The following NEK7 variants were observed in gnomAD, a reference collection of about 807,000 sequenced individuals.
NEK7 encodes the protein NIMA related kinase 7, also known as serine/threonine-protein kinase Nek7.
In NEK7, 18 loss-of-function variants were observed where a neutral mutation model predicts 44.6. That is an observed-to-expected ratio of 0.40 (90% CI 0.28 to 0.60). NEK7 has a LOEUF of 0.60. Among genes scored for constraint, NEK7 ranks in the 20% least tolerant of loss-of-function variants. The pLI is 0.38. For synonymous variants in NEK7, 130 were observed against 121.1 expected (o/e 1.07, Z -0.48); for missense variants, 256 against 366.5 (o/e 0.70, Z 2.46).
chr1:198,269,936 C>T (rs1471732705), intron 5 of NEK7, among the ~76,000 whole-genome samples: 1 of 151,994 alleles, frequency 6.6e-6, no homozygotes, highest in Non-Finnish European at 1.5e-5. Context: ...GGAAAATCGA[C>T]TCTTACAAAA....
At chr1:198,179,797 G>T (rs966637060) in intron 1 of NEK7, among the ~76,000 whole-genome samples, 7 of 100,106 alleles carry the variant, frequency 7.0e-5, no homozygotes, top group African/African-American at 3.7e-4. Flanking sequence ...AGTTACACAG[G>T]AGTGTGTGTG....
intron 1 of NEK7, among the ~76,000 whole-genome samples, chr1:198,218,428 G>C (rs115003982): frequency 0.029 from 4,348 of 151,846 alleles, 201 homozygotes; most frequent in African/African-American, 0.099. Flanking sequence ...ACTCAAAATG[G>C]ATTAAAGATT....
At chr1:198,259,521 A>G (rs1306999406) in intron 3 of NEK7, among the ~76,000 whole-genome samples, 1 of 152,140 alleles carries the variant, frequency 6.6e-6, no homozygotes, top group Non-Finnish European at 1.5e-5. Context: ...ATTTATCTCA[A>G]ATTCCTTGTA....
At chr1:198,178,729 T>C (rs1199977169) in intron 1 of NEK7, among the ~76,000 whole-genome samples, 1 of 151,906 alleles carries the variant, frequency 6.6e-6, no homozygotes, top group African/African-American at 2.4e-5. Context: ...GAATACAGAT[T>C]AACAACTCCT....
chr1:198,196,204 T>C (rs1276627290), intron 1 of NEK7, among the ~76,000 whole-genome samples: 2 of 152,210 alleles, frequency 1.3e-5, no homozygotes, highest in Non-Finnish European at 2.9e-5. Context: ...TATAGACCAA[T>C]GTCTACAAAG....
At chr1:198,297,090 A>G (rs1654737247) in intron 8 of NEK7, 37 bp from the exon 9 acceptor site, 1 of 1,313,858 alleles carries the variant, frequency 7.6e-7, no homozygotes, top group Non-Finnish European at 1.1e-6. Flanking sequence ...TTAAGTTACC[A>G]TCTAACTATA....
At chr1:198,314,480 C>CTT (rs1168787285) in intron 9 of NEK7, among the ~76,000 whole-genome samples, 1,755 of 152,312 alleles carry the variant, frequency 0.012, 32 homozygotes, top group African/African-American at 0.04. Context: ...TGGTGAGGAA[C>CTT]TGCATTCCTT....
intron 1 of NEK7, among the ~76,000 whole-genome samples, chr1:198,193,446 C>T (rs1024396117): frequency 6.6e-6 from 1 of 152,100 alleles, no homozygotes; most frequent in Admixed American, 6.6e-5. Flanking sequence ...GGACTCTTCC[C>T]TAACTTATTT....
At chr1:198,297,432 G>A (rs1654745957) in intron 9 of NEK7, among the ~76,000 whole-genome samples, 192 bp downstream of exon 9, 1 of 152,196 alleles carries the variant, frequency 6.6e-6, no homozygotes, top group South Asian at 2.1e-4. Flanking sequence ...ATAATGTGTA[G>A]TGCAACACAA....
chr1:198,247,651 T>A (rs1571569038), intron 2 of NEK7, among the ~76,000 whole-genome samples: 1 of 152,186 alleles, frequency 6.6e-6, no homozygotes, highest in East Asian at 1.9e-4. Flanking sequence ...AAGCATGATC[T>A]TTTTCTTGAC....
intron 9 of NEK7, among the ~76,000 whole-genome samples, chr1:198,311,921 C>T (rs1311681251): frequency 3.3e-5 from 5 of 152,048 alleles, no homozygotes; most frequent in African/African-American, 7.2e-5. Context: ...TGTCTCTGCC[C>T]GGCTTTGGTA....
At chr1:198,247,810 A>G (rs1666878691) in intron 2 of NEK7, among the ~76,000 whole-genome samples, 1 of 152,188 alleles carries the variant, frequency 6.6e-6, no homozygotes, top group Admixed American at 6.6e-5. Context: ...TGATAGATGT[A>G]GTAAAATTAA....
intron 2 of NEK7, among the ~76,000 whole-genome samples, chr1:198,248,496 A>T (rs1042646650): frequency 6.6e-6 from 1 of 152,166 alleles, no homozygotes; most frequent in Non-Finnish European, 1.5e-5. Context: ...TCTTCTATGT[A>T]TTTGGGTAAG....
intron 4 of NEK7, 43 bp from the exon 5 acceptor site, chr1:198,264,082 T>C (rs1653569260): frequency 6.4e-7 from 1 of 1,554,404 alleles, no homozygotes; most frequent in African/African-American, 1.4e-5. Flanking sequence ...CTCTTGGATA[T>C]TTACAGTAAG....
At position 198,262,571 on chromosome 1, in the gene NEK7, T is replaced by C; in HGVS notation, c.199-4T>C. ...TATTAAGTAATTCTGGGTTCTGTTT[T>C]TAGATATTTGATTTAATGGATGCCA... On this transcript the variant is annotated splice_region_variant and splice_polypyrimidine_tract_variant and intron_variant, in intron 3 of 9. Transcript: ENST00000367385. The C allele has an allele frequency of 6.4e-7, 1 of 1,574,338 alleles. No homozygotes were observed. Among genetic ancestry groups the C allele is most frequent in the East Asian group, 2.3e-5 (1 of 44,392 alleles).
intron 1 of NEK7, among the ~76,000 whole-genome samples, chr1:198,209,677 T>G (rs191830839): frequency 6.6e-6 from 1 of 152,292 alleles, no homozygotes; most frequent in East Asian, 1.9e-4. Flanking sequence ...CTCTTTTTTT[T>G]AATAGCAAAG....
chr1:198,296,718 A>G (rs1654726106), intron 8 of NEK7, among the ~76,000 whole-genome samples: 1 of 152,202 alleles, frequency 6.6e-6, no homozygotes, highest in Non-Finnish European at 1.5e-5. Context: ...ATTATAATTC[A>G]GTTTTAACTT....
chr1:198,308,810 C>G (rs939816888), intron 9 of NEK7, among the ~76,000 whole-genome samples: 17 of 152,134 alleles, frequency 1.1e-4, no homozygotes, highest in African/African-American at 4.1e-4. Context: ...GGCCAAGAAT[C>G]GAATTCTGTT....
chr1:198,310,184 C>CT (rs1655135342), intron 9 of NEK7, among the ~76,000 whole-genome samples: 1 of 152,204 alleles, frequency 6.6e-6, no homozygotes, highest in Non-Finnish European at 1.5e-5. Flanking sequence ...TTGCATTTCT[C>CT]TGATGGCCAG....
Sources: allele counts gnomAD v4.1 joint callset (sites outside exome capture counted in the v4.1 genomes callset), GRCh38; gene constraint gnomAD v4.1.1; transcripts MANE v1.5; gene names NCBI Gene and HGNC (gene_info 2026-07-23, HGNC 2026-07-21).